The following TSC22D1 variants were observed in gnomAD, a reference collection of about 807,000 sequenced individuals.
The protein encoded by TSC22D1 is TSC22 domain family protein 1.
TSC22D1 carries 9 observed loss-of-function variants against 74.2 expected under a neutral mutation model. That is an observed-to-expected ratio of 0.12 (90% CI 0.07 to 0.21). The LOEUF is 0.21. Ranked by LOEUF, TSC22D1 falls within the 10% of genes least tolerant of loss-of-function variation. The pLI is 1.00. For missense variants in TSC22D1, 1,427 were observed against 1,304.7 expected, an observed-to-expected ratio of 1.09 and a Z score of -1.44; for synonymous variants, 586 against 492.5, an observed-to-expected ratio of 1.19 and a Z score of -2.51.
intron 1 of TSC22D1, among the ~76,000 whole-genome samples, chr13:44,494,253 G>A (rs558504712): frequency 6.6e-6 from 1 of 151,750 alleles, no homozygotes; most frequent in South Asian, 2.1e-4. Context: ...GTGTGCACGT[G>A]TAATCCCAGG....
intron 1 of TSC22D1, among the ~76,000 whole-genome samples, chr13:44,475,625 G>A (rs558682642): frequency 4.3e-4 from 66 of 152,068 alleles, no homozygotes; most frequent in African/African-American, 1.5e-3. Context: ...AAGAAAAAAA[G>A]AGAAGGCAGA....
Position 44,575,824 on chromosome 13 carries a change from C to G in TSC22D1, c.251G>C (p.Ser84Thr), listed in dbSNP as rs376852206. The change falls in exon 1 of 3, where the codon AGC (serine) becomes ACC (threonine). Residue 84 changes from serine to threonine, a missense_variant. Ser to Thr is a moderately conservative substitution (Grantham distance 58). Coordinates refer to ENST00000458659, the MANE Select transcript of TSC22D1 (RefSeq NM_183422.4). ...TSGPQPPPPQ[S>T]LNLLSQAQLQ... ...CTGAGCCTGCGAAAGGAGGTTCAGGCTTTGTGGAGGCGGAGGCTGTGGTCC... is the reference window on the plus strand; with the variant it reads ...CTGAGCCTGCGAAAGGAGGTTCAGGGTTTGTGGAGGCGGAGGCTGTGGTCC... 3.3e-5 allele frequency: 53 copies of G among 1,614,046 alleles called. No individual in the cohort carries two copies. The highest frequency in any genetic ancestry group is 4.2e-5 in the Non-Finnish European group (50 of 1,179,992).
chr13:44,436,244 C>G lies in TSC22D1; in HGVS notation c.2913-149G>C. 5.0e-6 allele frequency: 5 copies of G among 995,520 alleles called. No individual in the cohort carries two copies. In the South Asian group the frequency reaches 6.2e-5, roughly 12 times the overall value. 61.7% of individuals were successfully genotyped at this position (995,520 alleles called of 1,614,324 possible). On this transcript the variant is annotated intron_variant, in intron 1 of 2. Transcript: ENST00000458659. ...GTAATGTATCACCCTCCAGAAAATG[C>G]CAGCCCCTCTCTTACTAACGAATAT...
chr13:44,513,587 G>A (rs1566147401), intron 1 of TSC22D1, among the ~76,000 whole-genome samples: 1 of 152,118 alleles, frequency 6.6e-6, no homozygotes, highest in East Asian at 1.9e-4. Flanking sequence ...TTTAGCAATA[G>A]AAAACACTCC....
chr13:44,454,425 C>A (rs572666255), intron 1 of TSC22D1, among the ~76,000 whole-genome samples: 1 of 152,030 alleles, frequency 6.6e-6, no homozygotes, highest in African/African-American at 2.4e-5. Context: ...AGAACAAACA[C>A]CCACAAACTG....
intron 1 of TSC22D1, among the ~76,000 whole-genome samples, chr13:44,507,890 C>T (rs1271833655): frequency 1.3e-5 from 2 of 152,144 alleles, no homozygotes; most frequent in African/African-American, 2.4e-5. Flanking sequence ...TACGACAGCA[C>T]AAAGAGGGAT....
intron 1 of TSC22D1, among the ~76,000 whole-genome samples, chr13:44,570,188 CTT>C (rs1258759696): frequency 6.0e-4 from 80 of 132,300 alleles, no homozygotes; most frequent in Admixed American, 4.6e-4. Flanking sequence ...GACATTAAGA[CTT>C]TTTTTTTTTT....
intron 1 of TSC22D1, among the ~76,000 whole-genome samples, chr13:44,533,632 A>T (rs781657428): frequency 1.3e-5 from 2 of 151,498 alleles, no homozygotes; most frequent in Admixed American, 6.6e-5. Flanking sequence ...AAAATACATA[A>T]ATTAGCTGAG....
chr13:44,537,413 A>T, intron 1 of TSC22D1: 1 of 985,140 alleles, frequency 1.0e-6, no homozygotes, highest in Non-Finnish European at 1.2e-6. Context: ...CAGAGCTAAA[A>T]TTCAATCAAA....
At chr13:44,484,438 G>A (rs1441527381) in intron 1 of TSC22D1, among the ~76,000 whole-genome samples, 1 of 152,102 alleles carries the variant, frequency 6.6e-6, no homozygotes, top group East Asian at 1.9e-4. Flanking sequence ...ATAAATAATA[G>A]TGCTTCTCAA....
chr13:44,510,824 G>C (rs1032516560), intron 1 of TSC22D1, among the ~76,000 whole-genome samples: 4 of 152,082 alleles, frequency 2.6e-5, no homozygotes, highest in African/African-American at 9.7e-5. Context: ...TCAAACTCCT[G>C]ACCTCAGGTG....
At chr13:44,454,627 A>C (rs1876419352) in intron 1 of TSC22D1, among the ~76,000 whole-genome samples, 1 of 152,336 alleles carries the variant, frequency 6.6e-6, no homozygotes, top group Admixed American at 6.5e-5. Context: ...AGACAAAGGC[A>C]GAAGTTTTGT....
Position 44,432,176 on chromosome 13 carries a change from T to C in TSC22D1, c.*2450A>G, listed in dbSNP as rs1190513931. On this transcript the variant is annotated 3_prime_UTR_variant, in exon 3 of 3. Transcript: ENST00000458659. ...GACATCTTTTAATAATTCATTCTTA[T>C]TTCACAAATATTCAGCTGCCAAAAT... 1 of 152,204 alleles carries C rather than the reference T, an allele frequency of 6.6e-6. No individual in the cohort carries two copies. Among genetic ancestry groups the C allele is most frequent in the Non-Finnish European group, 1.5e-5 (1 of 68,034 alleles). 9.4% of individuals were successfully genotyped at this position (152,204 alleles called of 1,614,324 possible).
At chr13:44,547,774 T>C (rs1179702249) in intron 1 of TSC22D1, among the ~76,000 whole-genome samples, 2 of 152,130 alleles carry the variant, frequency 1.3e-5, no homozygotes, top group Non-Finnish European at 2.9e-5. Context: ...TGGTAGGTAA[T>C]GTATTATGCT....
rs776224419 is a variant in TSC22D1 at position 44,574,142 on chromosome 13, C to T, written c.1933G>A (p.Val645Ile). 6.2e-7 allele frequency: 1 copy of T among 1,614,256 alleles called. No homozygotes were observed. The highest frequency in any genetic ancestry group is 1.7e-5 in the Admixed American group (1 of 60,036). Residue 645 changes from valine to isoleucine, a missense_variant, in exon 1 of 3, where the codon GTC becomes ATC. Val to Ile is a conservative substitution (Grantham distance 29, BLOSUM62 3). This residue lies in a region of TSC22D1 where 1,343 missense variants were observed against 1,191.5 expected (regional missense o/e 1.13). Transcript: ENST00000458659. ...MVSTQMAPGH[V>I]KSVTQNPASE... The stretch of plus-strand genomic sequence containing the variant: ...GCAGGATTTTGAGTCACTGATTTGA[C>T]ATGGCCTGGGGCCATCTGTGTAGAA...
At chr13:44,490,947 CAT>C (rs1878681136) in intron 1 of TSC22D1, among the ~76,000 whole-genome samples, 1 of 131,834 alleles carries the variant, frequency 7.6e-6, no homozygotes, top group Admixed American at 8.0e-5. Context: ...AATATATATA[CAT>C]ATATATGTAT....
intron 1 of TSC22D1, among the ~76,000 whole-genome samples, chr13:44,519,314 A>C (rs952228388): frequency 6.6e-6 from 1 of 152,164 alleles, no homozygotes; most frequent in African/African-American, 2.4e-5. Context: ...CAATGTATGA[A>C]GGGTATAAGC....
intron 1 of TSC22D1, among the ~76,000 whole-genome samples, chr13:44,444,320 A>AAAAAAAAAAAAAAAAAAATAAAAAAAG (rs1875460887): frequency 7.9e-6 from 1 of 126,222 alleles, no homozygotes; most frequent in Non-Finnish European, 1.7e-5. Context: ...AAAAGAAAAG[A>AAAAAAAAAAAAAAAAAAATAAAAAAAG]AAAAGAAAAA....
chr13:44,545,529 T>G (rs1253905848), intron 1 of TSC22D1, among the ~76,000 whole-genome samples: 1 of 151,830 alleles, frequency 6.6e-6, no homozygotes, highest in Non-Finnish European at 1.5e-5. Flanking sequence ...GCATGAAATA[T>G]TTAGCTTTAT....
Sources: gnomAD v4.1 joint callset for allele counts (sites outside exome capture counted in the v4.1 genomes callset) on GRCh38, gnomAD v4.1.1 for gene constraint, gnomAD v4.1.1 regional missense constraint, MANE v1.5 for transcripts, NCBI Gene and HGNC (gene_info 2026-07-23, HGNC 2026-07-21) for gene names.